Variants in AXIN2 observed in about 807,000 individuals in gnomAD.
The protein encoded by AXIN2 is axin 2.
A neutral mutation model predicts 74.7 loss-of-function variants in AXIN2; 21 were observed. The ratio of observed to expected loss-of-function variants is 0.28; its 90% CI spans 0.20 to 0.40. The LOEUF is 0.40. Ranked by LOEUF, AXIN2 falls within the 10% of genes least tolerant of loss-of-function variation. AXIN2 has a pLI of 1.00. For synonymous variants in AXIN2, 532 were observed against 454.9 expected, an observed-to-expected ratio of 1.17 and a Z score of -2.16; for missense variants, 1,144 against 1,111.1, an observed-to-expected ratio of 1.03 and a Z score of -0.42.
intron 4 of AXIN2, among the ~76,000 whole-genome samples, chr17:65,539,561 A>G (rs576795708): frequency 2.0e-5 from 3 of 152,348 alleles, no homozygotes; most frequent in Non-Finnish European, 2.9e-5. Flanking sequence ...TATGTCATCA[A>G]TACTTGTTAT....
intron 4 of AXIN2, among the ~76,000 whole-genome samples, chr17:65,540,719 AC>A (rs963785245): frequency 6.0e-5 from 9 of 150,848 alleles, no homozygotes; most frequent in South Asian, 2.1e-4. Context: ...ATTGCCCACC[AC>A]CCCCCCAACC....
At position 65,549,561 on chromosome 17, in the gene AXIN2, A is replaced by G. The variant is rs2144538324; in HGVS notation, c.915T>C (p.Asp305=). 1 of 1,611,268 alleles carries G rather than the reference A, an allele frequency of 6.2e-7. No homozygotes were observed. Among genetic ancestry groups the G allele is most frequent in the Non-Finnish European group, 8.5e-7 (1 of 1,178,780 alleles). ...TGGACATGGAATCATCCGTCAGCGC[A>G]TCACTGGATATCTCACTGTCGTTGG... ...TSANDSEISS[D]ALTDDSMSMT... The change falls in exon 3 of 11, where the codon GAT becomes GAC. Residue 305 remains aspartate, a synonymous_variant. Coordinates refer to ENST00000307078, the MANE Select transcript of AXIN2 (RefSeq NM_004655.4).
intron 2 of AXIN2, among the ~76,000 whole-genome samples, chr17:65,555,567 C>A (rs780324499): frequency 6.6e-6 from 1 of 152,096 alleles, no homozygotes; most frequent in South Asian, 2.1e-4. Context: ...TAACACTTTG[C>A]GGCGGTTCAA....
chr17:65,541,564 GA>G lies in AXIN2; in HGVS notation c.957-8del. On this transcript the variant is annotated splice_polypyrimidine_tract_variant and splice_region_variant and intron_variant, in intron 3 of 10. Coordinates refer to ENST00000307078, the MANE Select transcript of AXIN2 (RefSeq NM_004655.4). Reference sequence around the variant, plus strand: ...ATAAGGAGGAATTCCATCTCTAAGGGAAAGGAAAAGACAGAATCCACAGGCT... The same window carrying G: ...ATAAGGAGGAATTCCATCTCTAAGGGAAGGAAAAGACAGAATCCACAGGCT... 1.2e-6 allele frequency: 2 copies of G among 1,607,822 alleles called. No homozygotes were observed. The highest frequency in any genetic ancestry group is 2.2e-5 in the South Asian group (2 of 90,970).
In AXIN2 at chr17:65,537,413, G is replaced by A. The variant is rs199931425; in HGVS notation, c.1623C>T (p.Cys541=). ...AATACTCGCTGCCCCCAGGGCAGAAGCAGTGCACCCGCTGCGTGGCCTCCG... is the reference window on the plus strand; with the variant it reads ...AATACTCGCTGCCCCCAGGGCAGAAACAGTGCACCCGCTGCGTGGCCTCCG... The part of the protein sequence containing the change: ...IEAEATQRVH[C]FCPGGSEYYC... The change falls in exon 6 of 11, where the codon TGC becomes TGT. Residue 541 remains cysteine (C), a synonymous_variant. Coordinates refer to ENST00000307078, the MANE Select transcript of AXIN2 (RefSeq NM_004655.4). 6.6e-5 allele frequency: 107 copies of A among 1,613,976 alleles called. No individual in the cohort carries two copies. The highest frequency in any genetic ancestry group is 7.7e-5 in the South Asian group (7 of 91,092).
At chr17:65,551,459 G>T (rs957382775) in intron 2 of AXIN2, among the ~76,000 whole-genome samples, 2 of 152,134 alleles carry the variant, frequency 1.3e-5, no homozygotes, top group Non-Finnish European at 2.9e-5. Flanking sequence ...GGAGGCCAGG[G>T]GACAGCAGGG....
chr17:65,545,316 T>A (rs2044102880), intron 3 of AXIN2, among the ~76,000 whole-genome samples: 1 of 152,226 alleles, frequency 6.6e-6, no homozygotes, highest in Non-Finnish European at 1.5e-5. Flanking sequence ...CTTCTAAGCC[T>A]GATGCCCTGG....
intron 5 of AXIN2, 80 bp from the exon 6 acceptor site, chr17:65,537,915 C>T (rs1598099943): frequency 6.8e-7 from 1 of 1,478,344 alleles, no homozygotes; most frequent in Non-Finnish European, 9.0e-7. Context: ...CATTCGGCTC[C>T]CTACGCAGGA....
Position 65,558,525 on chromosome 17 carries a change from C to T in AXIN2, c.96G>A (p.Glu32=). ...PRPPVPGEEG[E]TPPCQPGVGK... ...CCACCCCTGGCTGACACGGTGGGGT[C>T]TCCCCTTCTTCCCCTGGCACTGGGG... The change falls in exon 2 of 11, where the codon GAG becomes GAA. Residue 32 remains glutamate (E), a synonymous_variant. Coordinates refer to ENST00000307078, the MANE Select transcript of AXIN2 (RefSeq NM_004655.4). The T allele has an allele frequency of 6.2e-7, 1 of 1,613,890 alleles. No homozygotes were observed. The highest frequency in any genetic ancestry group is 8.5e-7 in the Non-Finnish European group (1 of 1,179,970).
chr17:65,560,640 G>A lies in AXIN2; in HGVS notation c.-117+810C>T, dbSNP rs1442826971. On this transcript the variant is annotated intron_variant, in intron 1 of 10. Coordinates refer to ENST00000307078, the MANE Select transcript of AXIN2 (RefSeq NM_004655.4). ...CAACCCGGTCACCGCGCTGGGGAGGGGGCTCCGGCGCAGGGCGCGCAAGGC... is the reference window on the plus strand; with the variant it reads ...CAACCCGGTCACCGCGCTGGGGAGGAGGCTCCGGCGCAGGGCGCGCAAGGC... 4 of 151,928 alleles carry A rather than the reference G, an allele frequency of 2.6e-5. No individual in the cohort carries two copies. In the East Asian group the frequency reaches 7.8e-4, roughly 30 times the overall value. The allele number at this position is 151,928 out of a possible 1,614,324, so 9.4% of individuals were successfully genotyped here. A position where few individuals can be genotyped will look rare whatever the true frequency, so the allele number is the denominator to read the frequency against.
chr17:65,555,069 G>A (rs978046673), intron 2 of AXIN2, among the ~76,000 whole-genome samples: 26 of 152,120 alleles, frequency 1.7e-4, no homozygotes, highest in African/African-American at 5.5e-4. Context: ...CTGCTCTTCC[G>A]CCCCAACTAT....
intron 7 of AXIN2, 36 bp downstream of exon 7, chr17:65,536,833 A>G: frequency 1.2e-6 from 2 of 1,611,856 alleles, no homozygotes; most frequent in South Asian, 2.2e-5. Flanking sequence ...AGTGCCCATG[A>G]CCCTCGCGGC....
At chr17:65,556,344 G>A (rs2044266395) in intron 2 of AXIN2, among the ~76,000 whole-genome samples, 1 of 152,136 alleles carries the variant, frequency 6.6e-6, no homozygotes. Context: ...AGCGCCAGAG[G>A]CTTACCCAAA....
intron 2 of AXIN2, among the ~76,000 whole-genome samples, chr17:65,556,937 A>C (rs1232725638): frequency 1.3e-5 from 2 of 152,162 alleles, no homozygotes; most frequent in African/African-American, 4.8e-5. Context: ...AGTCGGGAGG[A>C]GGGGAGAAAA....
chr17:65,555,394 G>A (rs2044253014), intron 2 of AXIN2, among the ~76,000 whole-genome samples: 1 of 152,104 alleles, frequency 6.6e-6, no homozygotes. Flanking sequence ...AGAACTAGCT[G>A]GAAAAACAGA....
At chr17:65,558,869 A>C (rs1320113969) in intron 1 of AXIN2, 133 bp from the exon 2 acceptor site, 1 of 551,968 alleles carries the variant, frequency 1.8e-6, no homozygotes, top group African/African-American at 1.9e-5. Flanking sequence ...CAAGCAACCC[A>C]GCTATCTGCG....
rs2144592382 is a variant in AXIN2, at chr17:65,558,610, G to C, written c.11C>G (p.Ala4Gly). 2 of 1,607,266 alleles carry C rather than the reference G, an allele frequency of 1.2e-6. No homozygotes were observed. The highest frequency in any genetic ancestry group is 1.7e-6 in the Non-Finnish European group (2 of 1,179,968). The change falls in exon 2 of 11, where the codon GCT (alanine) becomes GGT (glycine). Residue 4 changes from alanine to glycine, a missense_variant. Ala to Gly is a moderately conservative substitution (Grantham distance 60). Around this residue, in one of 4 missense-constraint regions of AXIN2, gnomAD observed 23 missense variants for 20.8 expected, o/e 1.11. Coordinates refer to ENST00000307078, the MANE Select transcript of AXIN2 (RefSeq NM_004655.4). ...GTCCGGGAGGCAAGTCACCAACATA[G>C]CGCTACTCATGGTGAGGGAGCTCTT... MSS[A>G]MLVTCLPDPS... is the part of the protein sequence containing the mutation.
chr17:65,559,016 C>T (rs2044321033), intron 1 of AXIN2, among the ~76,000 whole-genome samples: 1 of 152,016 alleles, frequency 6.6e-6, no homozygotes, highest in South Asian at 2.1e-4. Context: ...GAGCTGGGGA[C>T]GGCAGGGGGA....
rs775428814 is a variant in AXIN2, at chr17:65,538,667, C to CAAAA, written c.1060-328_1060-325dup. Among the ~76,000 whole-genome samples, 83 of 35,826 alleles carry CAAAA rather than the reference C, an allele frequency of 2.3e-3. 40 individuals are homozygous for CAAAA. Among genetic ancestry groups the CAAAA allele is most frequent in the East Asian group, 6.4e-3 (6 of 944 alleles). The allele number at this position is 35,826 out of a possible 152,430, so 23.5% of individuals were successfully genotyped here. A position where few individuals can be genotyped will look rare whatever the true frequency, so the allele number is the denominator to read the frequency against. ...ATCTTCAAAGACTGTTGTCAACCATCAAAAAAAAAAAAAAAAAAAAAAAAA... is the reference window on the plus strand; with the variant it reads ...ATCTTCAAAGACTGTTGTCAACCATCAAAAAAAAAAAAAAAAAAAAAAAAAAAAA... On this transcript the variant is annotated intron_variant, in intron 4 of 10. Coordinates refer to ENST00000307078, the MANE Select transcript of AXIN2 (RefSeq NM_004655.4).
Sources: allele counts gnomAD v4.1 joint callset (sites outside exome capture counted in the v4.1 genomes callset), GRCh38; gene constraint gnomAD v4.1.1; regional missense constraint gnomAD v4.1.1; transcripts MANE v1.5; gene names NCBI Gene and HGNC (gene_info 2026-07-23, HGNC 2026-07-21).